JAK2: variants seen among roughly 807,000 people sequenced by gnomAD.
JAK2 encodes tyrosine-protein kinase JAK2.
JAK2 carries 86 observed loss-of-function variants against 139.3 expected under a neutral mutation model. That is an observed-to-expected ratio of 0.62 (90% CI 0.52 to 0.74). The LOEUF (loss-of-function observed/expected upper bound fraction) is 0.74, where lower values mean the gene tolerates loss of function less well. Ranked by LOEUF, JAK2 falls within the 30% of genes least tolerant of loss-of-function variation. JAK2 has a pLI of 0.00. For synonymous variants in JAK2, 490 were observed against 437.7 expected, an observed-to-expected ratio of 1.12 and a Z score of -1.49; for missense variants, 1,421 against 1,360.3, an observed-to-expected ratio of 1.04 and a Z score of -0.70.
At chr9:5,079,043 C>A (rs1265294504) in intron 16 of JAK2, among the ~76,000 whole-genome samples, 3 of 152,116 alleles carry the variant, frequency 2.0e-5, no homozygotes, top group African/African-American at 7.2e-5. Flanking sequence ...AATTTAGATT[C>A]TAAATTGATC....
At chr9:5,001,731 G>T (rs1820939081) in intron 2 of JAK2, among the ~76,000 whole-genome samples, 2 of 151,928 alleles carry the variant, frequency 1.3e-5, no homozygotes, top group South Asian at 4.2e-4. Context: ...TTTTCTGTAA[G>T]AGTTTATACA....
At chr9:5,097,000 C>T (rs1821049488) in intron 22 of JAK2, 1 of 152,092 alleles carries the variant, frequency 6.6e-6, no homozygotes, top group Admixed American at 6.6e-5. Context: ...TTTCCTACTC[C>T]TACTTGCATC....
chr9:5,052,719 C>T (rs1817508226), intron 6 of JAK2, among the ~76,000 whole-genome samples: 2 of 152,034 alleles, frequency 1.3e-5, no homozygotes, highest in Non-Finnish European at 2.9e-5. Context: ...TCAAACATTT[C>T]ATATAAATAG....
At chr9:5,121,644 A>T (rs1197221927) in intron 22 of JAK2, among the ~76,000 whole-genome samples, 1 of 152,174 alleles carries the variant, frequency 6.6e-6, no homozygotes, top group Non-Finnish European at 1.5e-5. Context: ...AGAGGCTTTG[A>T]AGCAAGAGAT....
At chr9:5,010,265 T>G (rs2129948680) in intron 2 of JAK2, among the ~76,000 whole-genome samples, 1 of 152,302 alleles carries the variant, frequency 6.6e-6, no homozygotes, top group South Asian at 2.1e-4. Context: ...CTGTTTTACT[T>G]TTATATCTAT....
intron 2 of JAK2, among the ~76,000 whole-genome samples, chr9:5,012,366 A>G (rs1471653236): frequency 2.0e-5 from 3 of 152,172 alleles, no homozygotes; most frequent in Non-Finnish European, 2.9e-5. Flanking sequence ...TGGTGTTTTT[A>G]TAAATATATA....
chr9:5,125,396 TCC>T (rs1205337853), intron 23 of JAK2, among the ~76,000 whole-genome samples: 16 of 151,458 alleles, frequency 1.1e-4, no homozygotes, highest in Non-Finnish European at 2.1e-4. Context: ...TGAGTAGCAT[TCC>T]ATCATAAGGC....
rs1308186839 is a variant in JAK2, at chr9:5,129,148, A to G, written c.*2357A>G. On this transcript the variant is annotated 3_prime_UTR_variant, in exon 25 of 25. Coordinates refer to ENST00000381652, the MANE Select transcript of JAK2 (RefSeq NM_004972.4). ...AATTTTATTTAAACAGCTACAAAAG[A>G]GTTAGCAAATACCTACAGTTCTGTA... Among the ~76,000 whole-genome samples the G allele has an allele frequency of 6.6e-6, 1 of 152,090 alleles. No homozygotes were observed. Among genetic ancestry groups the G allele is most frequent in the African/African-American group, 2.4e-5 (1 of 41,444 alleles).
rs148339037 is a variant in JAK2, at chr9:5,001,112, C to T, written c.-26+15090C>T. ...TCTAGTAATTTTTTGGTAGAATCCT[C>T]AGCATTTTTGATAAATACAATCATG... On this transcript the variant is annotated intron_variant, in intron 2 of 24. Coordinates refer to ENST00000381652, the MANE Select transcript of JAK2 (RefSeq NM_004972.4). 7.9e-5 allele frequency among the ~76,000 whole-genome samples: 12 copies of T among 152,314 alleles called. No homozygotes were observed. In the East Asian group the frequency reaches 1.2e-3, roughly 15 times the overall value.
At chr9:5,038,095 C>T (rs558084993) in intron 4 of JAK2, among the ~76,000 whole-genome samples, 10 of 152,158 alleles carry the variant, frequency 6.6e-5, no homozygotes, top group African/African-American at 1.9e-4. Flanking sequence ...TTGAAAAGGC[C>T]ATTAATGATT....
rs72701635 is a variant in JAK2, at chr9:5,123,163, G to A, written c.3177+42G>A. The stretch of plus-strand genomic sequence containing the variant: ...TTTACTTTCAGTTTTTTGTTTGTTC[G>A]TTTGATTTTTATAAATTTATGGGGT... On this transcript the variant is annotated intron_variant, in intron 23 of 24. Transcript: ENST00000381652. 1.3e-4 allele frequency: 177 copies of A among 1,352,522 alleles called. 1 individual carries two copies. Among genetic ancestry groups the A allele is most frequent in the Middle Eastern group, 3.7e-4 (2 of 5,362 alleles). 83.8% of individuals were successfully genotyped at this position (1,352,522 alleles called of 1,614,324 possible).
At chr9:5,086,087 C>T (rs1351719645) in intron 19 of JAK2, 5 of 636,406 alleles carry the variant, frequency 7.9e-6, no homozygotes, top group Admixed American at 1.9e-5. Context: ...AGTCAAGTCC[C>T]TTCTGCCTAT....
At chr9:5,031,994 G>A (rs1823188357) in intron 4 of JAK2, among the ~76,000 whole-genome samples, 1 of 152,262 alleles carries the variant, frequency 6.6e-6, no homozygotes, top group Admixed American at 6.5e-5. Flanking sequence ...AAGGGTCAGG[G>A]AATTCCCTTT....
intron 4 of JAK2, among the ~76,000 whole-genome samples, chr9:5,031,881 T>C (rs1823178170): frequency 6.6e-6 from 1 of 152,200 alleles, no homozygotes; most frequent in African/African-American, 2.4e-5. Flanking sequence ...TGTACCGGGT[T>C]CGTCTCACTG....
rs112209786 is a variant in JAK2 at position 5,029,636 on chromosome 9, G to A, written c.227-147G>A. The A allele has an allele frequency of 1.7e-3, 1,012 of 594,106 alleles. 4 individuals carry two copies. The highest frequency in any genetic ancestry group is 0.014 in the African/African-American group (728 of 53,084). 36.8% of individuals were successfully genotyped at this position (594,106 alleles called of 1,614,324 possible). A position where few individuals can be genotyped will look rare whatever the true frequency, so the allele number is the denominator to read the frequency against. On this transcript the variant is annotated intron_variant, in intron 3 of 24. Transcript: ENST00000381652. ...TTGTGATTAATAATTCAGTTGTAGG[G>A]GTTGGTATATCAAAAGATTTCGACT...
intron 11 of JAK2, 109 bp from the exon 12 acceptor site, chr9:5,069,816 G>A: frequency 3.7e-6 from 2 of 537,498 alleles, no homozygotes; most frequent in Non-Finnish European, 6.0e-6. Context: ...ACAATTAGGA[G>A]TTATTAAGCA....
intron 22 of JAK2, chr9:5,098,336 T>C (rs947315937): frequency 6.6e-6 from 1 of 152,228 alleles, no homozygotes; most frequent in African/African-American, 2.4e-5. Context: ...ATCCTATATG[T>C]CTTAATGGCT....
intron 5 of JAK2, among the ~76,000 whole-genome samples, chr9:5,049,946 A>T (rs12004861): frequency 0.088 from 13,427 of 152,202 alleles, 1,822 homozygotes; most frequent in African/African-American, 0.3. Context: ...TACAGTAAAA[A>T]TGCAGTATTA....
At chr9:5,074,697 G>T (rs528343331) in intron 14 of JAK2, among the ~76,000 whole-genome samples, 1 of 152,102 alleles carries the variant, frequency 6.6e-6, no homozygotes, top group African/African-American at 2.4e-5. Context: ...ATCACACAAT[G>T]GTCTTTAAAT....
Sources: allele counts gnomAD v4.1 joint callset (sites outside exome capture counted in the v4.1 genomes callset), GRCh38; gene constraint gnomAD v4.1.1; transcripts MANE v1.5; gene names NCBI Gene and HGNC (gene_info 2026-07-23, HGNC 2026-07-21).